The following ARHGEF11 variants were observed in gnomAD, a reference collection of about 807,000 sequenced individuals.
ARHGEF11 encodes Rho guanine nucleotide exchange factor 11.
In ARHGEF11, 55 loss-of-function variants were observed where a neutral mutation model predicts 193.7. The ratio of observed to expected loss-of-function variants is 0.28; its 90% CI spans 0.23 to 0.36. The LOEUF (loss-of-function observed/expected upper bound fraction) is 0.36. Ranked by LOEUF, ARHGEF11 falls within the 10% of genes least tolerant of loss-of-function variation. ARHGEF11 has a pLI of 1.00. For synonymous variants in ARHGEF11, 693 were observed against 768.0 expected (o/e 0.90, Z 1.62); for missense variants, 1,723 against 2,005.6 (o/e 0.86, Z 2.69).
intron 13 of ARHGEF11, among the ~76,000 whole-genome samples, chr1:156,961,997 G>A (rs1357613352): frequency 2.6e-5 from 4 of 152,226 alleles, no homozygotes; most frequent in African/African-American, 7.2e-5. Flanking sequence ...GTTCAGAACA[G>A]TTGAGAAAGC....
chr1:156,947,878 C>T lies in ARHGEF11; in HGVS notation c.2232G>A (p.Leu744=). The T allele has an allele frequency of 2.5e-6, 4 of 1,614,152 alleles. No individual in the cohort carries two copies. Among genetic ancestry groups the T allele is most frequent in the Non-Finnish European group, 3.4e-6 (4 of 1,180,022 alleles). The change falls in exon 25 of 41, where the codon CTG becomes CTA. Residue 744 remains leucine, a synonymous_variant. Transcript: ENST00000368194. ...CATCTGGCTCTGGCTCCAGGTCAGA[C>T]AGCTGGCCCAGATCATCCTCTAGGA... ...PHLLEDDLGQ[L]SDLEPEPDAQ...
At chr1:156,936,505 T>TATAC (rs1655330466) in intron 40 of ARHGEF11, among the ~76,000 whole-genome samples, 1 of 115,518 alleles carries the variant, frequency 8.7e-6, no homozygotes, top group Non-Finnish European at 1.6e-5. Context: ...AAAATATATA[T>TATAC]ATATATATAT....
Position 156,945,048 on chromosome 1 carries a change from C to T in ARHGEF11, c.2962G>A (p.Ala988Thr), listed in dbSNP as rs765177396. 9 of 1,614,082 alleles carry T rather than the reference C, an allele frequency of 5.6e-6. No homozygotes were observed. Among genetic ancestry groups the T allele is most frequent in the Non-Finnish European group, 7.6e-6 (9 of 1,180,010 alleles). Residue 988 changes from alanine to threonine, a missense_variant, in exon 30 of 41, where the codon GCC becomes ACC. Ala to Thr is a moderately conservative substitution (Grantham distance 58, BLOSUM62 0). Around this residue, in one of 5 missense-constraint regions of ARHGEF11, gnomAD observed 491 missense variants for 654.5 expected, o/e 0.75. Coordinates refer to ENST00000368194, the MANE Select transcript of ARHGEF11 (RefSeq NM_198236.3). ...AACTCTGCTGCCAGGGGGTTGCTGG[C>T]CCTCTCCAGGGCGGTGGCATCCAGG... ...KRLDATALER[A>T]SNPLAAEFKS...
At chr1:156,952,021 T>C (rs910749595) in intron 21 of ARHGEF11, among the ~76,000 whole-genome samples, 2 of 152,002 alleles carry the variant, frequency 1.3e-5, no homozygotes, top group African/African-American at 4.8e-5. Context: ...TGATTAGGTT[T>C]TTCCTAAAAG....
chr1:156,939,357 G>A (rs1656252204), intron 37 of ARHGEF11, 191 bp downstream of exon 37: 1 of 725,260 alleles, frequency 1.4e-6, no homozygotes, highest in Non-Finnish European at 2.3e-6. Context: ...GCAGAGCTAA[G>A]CTCTGAATCT....
chr1:157,022,910 G>C (rs919125222), intron 1 of ARHGEF11, among the ~76,000 whole-genome samples: 1 of 152,170 alleles, frequency 6.6e-6, no homozygotes, highest in Admixed American at 6.5e-5. Flanking sequence ...AGAAAGAATA[G>C]TTTTTTCAAC....
intron 7 of ARHGEF11, 146 bp downstream of exon 7, chr1:156,976,837 C>T: frequency 1.4e-6 from 1 of 692,128 alleles, no homozygotes; most frequent in East Asian, 2.6e-5. Flanking sequence ...AATGACAATT[C>T]TTTAGTGGTC....
Position 156,977,129 on chromosome 1 carries a change from C to T in ARHGEF11, c.511-75G>A, listed in dbSNP as rs563232889. On this transcript the variant is annotated intron_variant, in intron 6 of 40. Transcript: ENST00000368194. Reference sequence around the variant, plus strand: ...CTTAGCTCTCTTCTATCTGCTGGTTCCTGGGCAAGGACAGCTATGAGAATA... The same window carrying T: ...CTTAGCTCTCTTCTATCTGCTGGTTTCTGGGCAAGGACAGCTATGAGAATA... 199 of 1,307,660 alleles carry T rather than the reference C, an allele frequency of 1.5e-4. 1 individual carries two copies. In the African/African-American group the frequency reaches 2.4e-3, roughly 16 times the overall value. 81.0% of individuals were successfully genotyped at this position (1,307,660 alleles called of 1,614,324 possible).
chr1:156,980,368 C>T, intron 4 of ARHGEF11, 69 bp downstream of exon 4: 2 of 1,551,300 alleles, frequency 1.3e-6, no homozygotes, highest in Admixed American at 1.9e-5. Flanking sequence ...CAGGATGGGC[C>T]AAGGCCAGGA....
Position 157,007,910 on chromosome 1 carries a change from T to G in ARHGEF11, c.33-21737A>C, listed in dbSNP as rs537763155. On this transcript the variant is annotated intron_variant, in intron 1 of 40. Transcript: ENST00000368194. ...CCAAGAAGGCAAAGGTTTTTTTTTT[T>G]TTGTTTTTTTTTTTTTTGTCTCTTT... 4.4e-3 allele frequency among the ~76,000 whole-genome samples: 245 copies of G among 56,000 alleles called. 12 individuals are homozygous for G. In the East Asian group the frequency reaches 0.064, roughly 15 times the overall value. The allele number at this position is 56,000 out of a possible 152,430, so 36.7% of individuals were successfully genotyped here.
intron 10 of ARHGEF11, among the ~76,000 whole-genome samples, chr1:156,968,535 G>A (rs1325585915): frequency 2.7e-5 from 4 of 146,606 alleles, no homozygotes; most frequent in Admixed American, 2.7e-4. Context: ...CACTTTCTTG[G>A]TGACTTTCCC....
chr1:157,044,416 T>G lies in ARHGEF11; in HGVS notation c.-86A>C. On this transcript the variant is annotated 5_prime_UTR_variant, in exon 1 of 41. Coordinates refer to ENST00000368194, the MANE Select transcript of ARHGEF11 (RefSeq NM_198236.3). ...AATCGCTTGCAATTTTTGAGCAAGG[T>G]GAGAGGAGGGCCTCCCAACTTGAAG... 1 of 1,337,248 alleles carries G rather than the reference T, an allele frequency of 7.5e-7. No homozygotes were observed. Among genetic ancestry groups the G allele is most frequent in the Non-Finnish European group, 1.1e-6 (1 of 930,290 alleles). 82.8% of individuals were successfully genotyped at this position (1,337,248 alleles called of 1,614,324 possible).
rs1241562289 is a variant in ARHGEF11, at chr1:156,961,741, G to C, written c.1175C>G (p.Ala392Gly). 1 of 1,614,204 alleles carries C rather than the reference G, an allele frequency of 6.2e-7. No homozygotes were observed. Among genetic ancestry groups the C allele is most frequent in the Non-Finnish European group, 8.5e-7 (1 of 1,180,036 alleles). ...FYLCAEVYQQASPKDSRSLGK... is the reference protein window; with the variant it reads ...FYLCAEVYQQGSPKDSRSLGK... ...CAAGCTTCGGGAATCCTTGGGGCTT[G>C]CCTGCTGATAAACTTCTGCACACAG... The change falls in exon 14 of 41, where the codon GCA (alanine) becomes GGA (glycine). Residue 392 changes from alanine (A) to glycine (G), a missense_variant. Ala to Gly is a moderately conservative substitution (Grantham distance 60, BLOSUM62 0). This residue lies in a region of ARHGEF11 where 646 missense variants were observed against 710.7 expected (regional missense o/e 0.91). Transcript: ENST00000368194.
At chr1:156,979,141 G>C in intron 5 of ARHGEF11, 88 bp downstream of exon 5, 3 of 1,271,710 alleles carry the variant, frequency 2.4e-6, no homozygotes, top group Non-Finnish European at 3.4e-6. Flanking sequence ...AAACCTCCTG[G>C]AATGCCAGGC....
At chr1:157,021,054 A>G (rs1399136164) in intron 1 of ARHGEF11, among the ~76,000 whole-genome samples, 5 of 152,244 alleles carry the variant, frequency 3.3e-5, no homozygotes, top group African/African-American at 9.6e-5. Flanking sequence ...GGAGAAAGCA[A>G]AAGATTTAAT....
chr1:157,041,622 G>A (rs1672762026), intron 1 of ARHGEF11, among the ~76,000 whole-genome samples: 2 of 152,104 alleles, frequency 1.3e-5, no homozygotes, highest in African/African-American at 4.8e-5. Flanking sequence ...ACACGTGAAT[G>A]TTGAAACAAC....
intron 1 of ARHGEF11, among the ~76,000 whole-genome samples, chr1:157,021,659 T>G (rs1277694104): frequency 6.9e-6 from 1 of 145,266 alleles, no homozygotes; most frequent in Non-Finnish European, 1.5e-5. Context: ...TTAGACTAAA[T>G]TCAAAAGTCT....
At chr1:157,018,255 T>C (rs1669523871) in intron 1 of ARHGEF11, among the ~76,000 whole-genome samples, 1 of 152,218 alleles carries the variant, frequency 6.6e-6, no homozygotes, top group South Asian at 2.1e-4. Context: ...GCCAATTCTC[T>C]CTGAACTGAT....
Position 156,946,985 on chromosome 1 carries a change from C to T in ARHGEF11, c.2519G>A (p.Arg840Gln), listed in dbSNP as rs1176316651. The change falls in exon 27 of 41, where the codon CGG (arginine) becomes CAG (glutamine). Residue 840 changes from arginine to glutamine, a missense_variant. By Grantham distance (43) the Arg-to-Gln change is conservative. Around this residue, in one of 5 missense-constraint regions of ARHGEF11, gnomAD observed 491 missense variants for 654.5 expected, o/e 0.75. Coordinates refer to ENST00000368194, the MANE Select transcript of ARHGEF11 (RefSeq NM_198236.3). ...NSWCEAMKKL[R>Q]EEGPIIKEIS... ...CTCTTTGATGATGGGGCCTTCCTCC[C>T]GGAGCTTCTTCATGGCTTCACACCA... The T allele has an allele frequency of 2.5e-6, 4 of 1,613,984 alleles. No homozygotes were observed. Among genetic ancestry groups the T allele is most frequent in the Non-Finnish European group, 3.4e-6 (4 of 1,180,028 alleles).
Sources: gnomAD v4.1 joint callset for allele counts (sites outside exome capture counted in the v4.1 genomes callset) on GRCh38, gnomAD v4.1.1 for gene constraint, gnomAD v4.1.1 regional missense constraint, MANE v1.5 for transcripts, NCBI Gene and HGNC (gene_info 2026-07-23, HGNC 2026-07-21) for gene names.